FSIP2: variants seen among roughly 807,000 people sequenced by gnomAD.
FSIP2 encodes fibrous sheath-interacting protein 2.
FSIP2 carries 367 observed loss-of-function variants against 510.5 expected under a neutral mutation model. That is an observed-to-expected ratio of 0.72 (90% CI 0.66 to 0.78). FSIP2 has a LOEUF of 0.78. Among genes scored for constraint, FSIP2 ranks in the 30% least tolerant of loss-of-function variants. The pLI, the probability that FSIP2 is intolerant of heterozygous loss-of-function variation, is 0.00. For missense variants in FSIP2, 7,594 were observed against 7,901.7 expected (o/e 0.96, Z 1.48); for synonymous variants, 2,601 against 2,732.2 (o/e 0.95, Z 1.50).
chr2:185,759,626 ATAT>A (rs1250505602), intron 9 of FSIP2, among the ~76,000 whole-genome samples: 30 of 145,960 alleles, frequency 2.1e-4, no homozygotes, highest in South Asian at 4.2e-4. Context: ...GGTCAGTATA[ATAT>A]TAATAATATT....
rs1053458410 is a variant in FSIP2 at position 185,792,558 on chromosome 2, A to G, written c.5422A>G (p.Asn1808Asp). 33 of 1,532,750 alleles carry G rather than the reference A, an allele frequency of 2.2e-5. No homozygotes were observed. The highest frequency in any genetic ancestry group is 4.1e-5 in the African/African-American group (3 of 72,854). 94.9% of individuals were successfully genotyped at this position (1,532,750 alleles called of 1,614,324 possible). A position where few individuals can be genotyped will look rare whatever the true frequency, so the allele number is the denominator to read the frequency against. ...NVLSLSHSNF[N>D]GMPHNVDEPT... ...CCTTTCTCTCTCCCACTCTAATTTT[A>G]ATGGCATGCCTCACAATGTTGATGA... Residue 1808 changes from asparagine (N) to aspartate (D), a missense_variant, in exon 16 of 23, where the codon AAT becomes GAT. By Grantham distance (23) the Asn-to-Asp change is conservative. Transcript: ENST00000424728.
rs1559031702 is a variant in FSIP2 at position 185,800,199 on chromosome 2, C to T, written c.10893C>T (p.Asn3631=). Residue 3631 remains asparagine, a synonymous_variant, in exon 17 of 23, where the codon AAC becomes AAT. Coordinates refer to ENST00000424728, the MANE Select transcript of FSIP2 (RefSeq NM_173651.4). ...VDYHFESNVR[N]KSFSMHRNNS... is the part of the protein sequence containing the mutation. ...ATCACTTTGAAAGCAATGTAAGAAA[C>T]AAATCATTTTCTATGCATAGAAATA... 4 of 1,532,230 alleles carry T rather than the reference C, an allele frequency of 2.6e-6. No homozygotes were observed. Among genetic ancestry groups the T allele is most frequent in the Non-Finnish European group, 3.5e-6 (4 of 1,144,794 alleles). 94.9% of individuals were successfully genotyped at this position (1,532,230 alleles called of 1,614,324 possible).
In FSIP2 at chr2:185,745,541, A is replaced by C. The variant is rs575968972; in HGVS notation, c.590A>C (p.Lys197Thr). The part of the protein sequence containing the change: ...WLLKEGTESI[K>T]DQERLMRHRY... ...TTAAAGGAGGGCACTGAATCTATTA[A>C]GGACCAGGAGCGGCTGATGAGGCAT... Residue 197 changes from lysine to threonine, a missense_variant, in exon 5 of 23, where the codon AAG (lysine) becomes ACG (threonine). By Grantham distance (78) the Lys-to-Thr change is moderately conservative (BLOSUM62 -1). Transcript: ENST00000424728. The C allele has an allele frequency of 2.5e-4, 379 of 1,535,540 alleles. 3 individuals carry two copies. The South Asian group carries it at 3.0e-3, about 12-fold the overall frequency.
intron 13 of FSIP2, among the ~76,000 whole-genome samples, chr2:185,770,396 A>G (rs1692583031): frequency 6.6e-6 from 1 of 152,060 alleles, no homozygotes; most frequent in Non-Finnish European, 1.5e-5. Context: ...ACGGCACCAG[A>G]ATTGCTTCTG....
rs1299593308 is a variant in FSIP2, at chr2:185,789,315, T to C, written c.2179T>C (p.Ser727Pro). 6.5e-7 allele frequency: 1 copy of C among 1,534,892 alleles called. No individual in the cohort carries two copies. The highest frequency in any genetic ancestry group is 1.4e-5 in the African/African-American group (1 of 73,092). Residue 727 changes from serine (S) to proline (P), a missense_variant, in exon 16 of 23, where the codon TCT (serine) becomes CCT (proline). Coordinates refer to ENST00000424728, the MANE Select transcript of FSIP2 (RefSeq NM_173651.4). ...SDLTQAIPSL[S>P]SVTAEVFVEQ... ...TTTAACCCAGGCCATTCCCTCTCTC[T>C]CTTCTGTTACTGCTGAAGTTTTTGT...
At chr2:185,748,719 C>A (rs1185102179) in intron 7 of FSIP2, among the ~76,000 whole-genome samples, 1 of 152,028 alleles carries the variant, frequency 6.6e-6, no homozygotes, top group Non-Finnish European at 1.5e-5. Context: ...GGGAGGAGTG[C>A]CCATTAGACG....
intron 13 of FSIP2, chr2:185,766,056 G>T (rs1692470177): frequency 6.6e-6 from 1 of 151,736 alleles, no homozygotes; most frequent in African/African-American, 2.4e-5. Flanking sequence ...TGAGACAATG[G>T]GGTTTTCTAG....
rs1232327401 is a variant in FSIP2, at chr2:185,800,971, AAG to A, written c.11666_11667del (p.Lys3889IlefsTer10). On this transcript the variant is annotated frameshift_variant, in exon 17 of 23. Coordinates refer to ENST00000424728, the MANE Select transcript of FSIP2 (RefSeq NM_173651.4). LOFTEE classifies it high-confidence loss of function. The stretch of plus-strand genomic sequence containing the variant: ...ACAGTCTAGTTTCATAAAAGCAAGA[AAG>A]TCAGAATTAATAGAATTAGGACAGA... ...EIQSSFIKAR[K>X]SELIELGQSK... is the part of the protein sequence containing the mutation. 5 of 1,529,002 alleles carry A rather than the reference AAG, an allele frequency of 3.3e-6. No homozygotes were observed. The highest frequency in any genetic ancestry group is 4.4e-6 in the Non-Finnish European group (5 of 1,143,192). The allele number at this position is 1,529,002 out of a possible 1,614,324, so 94.7% of individuals were successfully genotyped here. A position where few individuals can be genotyped will look rare whatever the true frequency, so the allele number is the denominator to read the frequency against.
At chr2:185,739,088 C>T in intron 1 of FSIP2, 95 bp downstream of exon 1, 1 of 1,392,542 alleles carries the variant, frequency 7.2e-7, no homozygotes, top group South Asian at 1.5e-5. Context: ...CGCGAGGCTC[C>T]CAACTGTCCC....
chr2:185,739,581 G>A, intron 2 of FSIP2, 110 bp downstream of exon 2: 4 of 1,045,020 alleles, frequency 3.8e-6, no homozygotes, highest in South Asian at 4.6e-5. Flanking sequence ...AACATTTACA[G>A]GAAAAAGAAA....
At chr2:185,754,970 GACT>G (rs1349684228) in intron 8 of FSIP2, among the ~76,000 whole-genome samples, 1 of 151,460 alleles carries the variant, frequency 6.6e-6, no homozygotes, top group Non-Finnish European at 1.5e-5. Flanking sequence ...AGTTAAATTA[GACT>G]ACTGATCATT....
chr2:185,738,583 A>T, upstream of FSIP2: 1 of 1,533,638 alleles, frequency 6.5e-7, no homozygotes, highest in Non-Finnish European at 8.7e-7. Context: ...CAAAGCTTAT[A>T]CGTTTTCGTT....
At position 185,746,660 on chromosome 2, in the gene FSIP2, CT is replaced by C. The variant is rs1692039496; in HGVS notation, c.618-7del. On this transcript the variant is annotated splice_polypyrimidine_tract_variant and splice_region_variant and intron_variant, in intron 5 of 22. Transcript: ENST00000424728. ...ATTCACCTTTAGCAATATTTGCACT[CT>C]TACTCAGATATTTGGATATGATAAG... The C allele has an allele frequency of 2.0e-6, 3 of 1,502,544 alleles. No individual in the cohort carries two copies. Among genetic ancestry groups the C allele is most frequent in the South Asian group, 2.6e-5 (2 of 78,192 alleles). 93.1% of individuals were successfully genotyped at this position (1,502,544 alleles called of 1,614,324 possible).
chr2:185,758,225 A>G (rs1692281851), intron 9 of FSIP2, among the ~76,000 whole-genome samples: 1 of 151,184 alleles, frequency 6.6e-6, no homozygotes, highest in South Asian at 2.1e-4. Flanking sequence ...TTCAATCAAA[A>G]GAAATTTGAA....
chr2:185,753,648 C>CATTTTAAATG, intron 7 of FSIP2, 74 bp from the exon 8 acceptor site: 3 of 687,868 alleles, frequency 4.4e-6, no homozygotes, highest in Non-Finnish European at 6.7e-6. Flanking sequence ...AATATTGTCA[C>CATTTTAAATG]ATTTTAAATG....
At chr2:185,768,364 A>G (rs1203474491) in intron 13 of FSIP2, among the ~76,000 whole-genome samples, 2 of 152,060 alleles carry the variant, frequency 1.3e-5, no homozygotes, top group African/African-American at 4.8e-5. Flanking sequence ...GAAGCTTTGT[A>G]TGTTCTCTCT....
intron 21 of FSIP2, among the ~76,000 whole-genome samples, 183 bp from the exon 22 acceptor site, chr2:185,831,630 T>G (rs1008621637): frequency 1.1e-4 from 16 of 151,896 alleles, no homozygotes; most frequent in South Asian, 4.1e-4. Context: ...CATCTTACTT[T>G]GCAAAAATTA....
At chr2:185,763,128 C>G in intron 11 of FSIP2, 55 bp from the exon 12 acceptor site, 2 of 784,758 alleles carry the variant, frequency 2.5e-6, no homozygotes, top group Non-Finnish European at 2.2e-6. Flanking sequence ...TAATATTAAC[C>G]CTTGTCCCAG....
At chr2:185,829,128 G>A (rs1226919337) in intron 21 of FSIP2, among the ~76,000 whole-genome samples, 1 of 151,822 alleles carries the variant, frequency 6.6e-6, no homozygotes, top group African/African-American at 2.4e-5. Flanking sequence ...TCTAATCTAA[G>A]AACCTATTGA....
Sources: gnomAD v4.1 joint callset for allele counts (sites outside exome capture counted in the v4.1 genomes callset) on GRCh38, gnomAD v4.1.1 for gene constraint, MANE v1.5 for transcripts, NCBI Gene and HGNC (gene_info 2026-07-23, HGNC 2026-07-21) for gene names.